The following PER2 variants were observed in gnomAD, a reference collection of about 807,000 sequenced individuals.
The protein encoded by PER2 is period circadian protein homolog 2.
In PER2, 66 loss-of-function variants were observed where a neutral mutation model predicts 121.0. That is an observed-to-expected ratio of 0.55 (90% CI 0.45 to 0.67). The LOEUF (loss-of-function observed/expected upper bound fraction) is 0.67. Ranked by LOEUF, PER2 falls within the 30% of genes least tolerant of loss-of-function variation. The probability of loss-of-function intolerance (pLI) is 0.00; values close to 1 mark genes in which losing one functional copy is unlikely to be tolerated. For synonymous variants in PER2, 684 were observed against 659.9 expected (o/e 1.04, Z -0.56); for missense variants, 1,521 against 1,635.0 (o/e 0.93, Z 1.20).
intron 1 of PER2, among the ~76,000 whole-genome samples, chr2:238,284,073 T>C (rs914859108): frequency 2.0e-5 from 3 of 152,122 alleles, no homozygotes; most frequent in African/African-American, 7.2e-5. Flanking sequence ...CTACTGGTTG[T>C]TAGAAGGATT....
intron 8 of PER2, among the ~76,000 whole-genome samples, chr2:238,266,123 T>A (rs1012962589): frequency 6.6e-6 from 1 of 152,168 alleles, no homozygotes; most frequent in Admixed American, 6.5e-5. Flanking sequence ...CAGGATGGTC[T>A]CGATCTCCTG....
At chr2:238,246,742 G>A (rs932038889) in intron 22 of PER2, among the ~76,000 whole-genome samples, 27 of 152,180 alleles carry the variant, frequency 1.8e-4, no homozygotes, top group Non-Finnish European at 4.4e-5. Flanking sequence ...TGGGCGTGGT[G>A]GCAGGCACCT....
chr2:238,268,033 C>T lies in PER2; in HGVS notation c.967+23G>A. On this transcript the variant is annotated intron_variant, in intron 8 of 22. Coordinates refer to ENST00000254657, the MANE Select transcript of PER2 (RefSeq NM_022817.3). The surrounding 1 kb of genome is among the most constrained non-coding windows in gnomAD (Gnocchi z 4.0). Reference sequence around the variant, plus strand: ...GGGGGAGCCAGAGACAACATCTGCCCTCGCCCTGGGCTTGGCTGTTACCTT... The same window carrying T: ...GGGGGAGCCAGAGACAACATCTGCCTTCGCCCTGGGCTTGGCTGTTACCTT... 2 of 1,613,044 alleles carry T rather than the reference C, an allele frequency of 1.2e-6. No individual in the cohort carries two copies. The highest frequency in any genetic ancestry group is 2.2e-5 in the South Asian group (2 of 91,042).
At position 238,273,498 on chromosome 2, in the gene PER2, CTTT is replaced by C. The variant is rs35748668; in HGVS notation, c.449-310_449-308del. Reference sequence around the variant, plus strand: ...TGCCTCTCATGTTCTCCAGAAGGGGCTTTTTTTTTTTTTTGAGATGGAGTTTTG... The same window carrying C: ...TGCCTCTCATGTTCTCCAGAAGGGGCTTTTTTTTTTTGAGATGGAGTTTTG... On this transcript the variant is annotated intron_variant, in intron 4 of 22. Coordinates refer to ENST00000254657, the MANE Select transcript of PER2 (RefSeq NM_022817.3). Among the ~76,000 whole-genome samples the C allele has an allele frequency of 4.3e-5, 6 of 139,118 alleles. No homozygotes were observed. In the East Asian group the frequency reaches 1.0e-3, roughly 24 times the overall value. The allele number at this position is 139,118 out of a possible 152,430, so 91.3% of individuals were successfully genotyped here. A position where few individuals can be genotyped will look rare whatever the true frequency, so the allele number is the denominator to read the frequency against.
intron 1 of PER2, among the ~76,000 whole-genome samples, chr2:238,287,499 G>A (rs1696823442): frequency 6.6e-6 from 1 of 152,220 alleles, no homozygotes; most frequent in African/African-American, 2.4e-5. Flanking sequence ...TGGGGCTTTA[G>A]CCACCGTGTG....
At chr2:238,251,389 A>T (rs1402749697) in intron 20 of PER2, among the ~76,000 whole-genome samples, 1 of 152,218 alleles carries the variant, frequency 6.6e-6, no homozygotes, top group Non-Finnish European at 1.5e-5. Flanking sequence ...AATCAGAAGC[A>T]AACAGGGAGG....
intron 21 of PER2, among the ~76,000 whole-genome samples, chr2:238,249,565 G>A (rs1695544515): frequency 6.6e-6 from 1 of 152,202 alleles, no homozygotes; most frequent in Admixed American, 6.5e-5. Flanking sequence ...GTGCTGGGCT[G>A]GACTACAGCT....
the PER2 span, among the ~76,000 whole-genome samples, chr2:238,298,108 C>T: frequency 1.3e-5 from 2 of 149,854 alleles, no homozygotes; most frequent in African/African-American, 4.9e-5. Context: ...GATCTCGGCT[C>T]ACTGCAAGCT....
chr2:238,276,770 G>A (rs1322702399), intron 3 of PER2, among the ~76,000 whole-genome samples: 2 of 152,230 alleles, frequency 1.3e-5, no homozygotes. Context: ...CCCTGGACAA[G>A]GAGCCGGGTT....
At chr2:238,293,839 G>A (rs1697001716), upstream of PER2, among the ~76,000 whole-genome samples, 2 of 152,196 alleles carry the variant, frequency 1.3e-5, no homozygotes, top group African/African-American at 4.8e-5. Context: ...CAGTGGGTAG[G>A]TGATGCTGTA....
upstream of PER2, among the ~76,000 whole-genome samples, chr2:238,294,603 G>A (rs530321270): frequency 3.9e-5 from 6 of 152,298 alleles, no homozygotes; most frequent in African/African-American, 9.6e-5. Flanking sequence ...TAGGACATGC[G>A]CCTGCATTCC....
chr2:238,254,604 G>A (rs985052122), intron 18 of PER2, among the ~76,000 whole-genome samples: 77 of 152,340 alleles, frequency 5.1e-4, no homozygotes, highest in African/African-American at 1.6e-3. Flanking sequence ...CTCCTGGGAT[G>A]TCATGTCTGG....
In PER2 at chr2:238,273,070, G is replaced by T; in HGVS notation, c.570C>A (p.Ala190=). The change falls in exon 5 of 23, where the codon GCC becomes GCA. Residue 190 remains alanine (A), a splice_region_variant and synonymous_variant. Coordinates refer to ENST00000254657, the MANE Select transcript of PER2 (RefSeq NM_022817.3). The part of the protein sequence containing the change: ...SVTSEHIVKN[A]DMFAVAVSLV... ...AGAAACTTTGCGGAAAGAGGCTTAC[G>T]GCATTCTTCACAATGTGCTCAGAGG... The T allele has an allele frequency of 6.2e-7, 1 of 1,614,028 alleles. No homozygotes were observed. Among genetic ancestry groups the T allele is most frequent in the Non-Finnish European group, 8.5e-7 (1 of 1,179,922 alleles).
chr2:238,263,050 G>A lies in PER2; in HGVS notation c.1055C>T (p.Pro352Leu). 2 of 1,610,174 alleles carry A rather than the reference G, an allele frequency of 1.2e-6. No individual in the cohort carries two copies. Among genetic ancestry groups the A allele is most frequent in the Non-Finnish European group, 1.7e-6 (2 of 1,176,468 alleles). The change falls in exon 10 of 23, where the codon CCT (proline) becomes CTT (leucine). Residue 352 changes from proline (P) to leucine (L), a missense_variant. By Grantham distance (98) the Pro-to-Leu change is moderately conservative (BLOSUM62 -3). Transcript: ENST00000254657. ...GTCCTGAGGTAGGTAGCCCAGGAGA[G>A]GGACCGCCCTGGAAGGCAAGCAGAC... ...LFQDVDERAV[P>L]LLGYLPQDLI...
intron 16 of PER2, 144 bp downstream of exon 16, chr2:238,258,132 G>A (rs1456999216): frequency 1.3e-5 from 12 of 895,464 alleles, no homozygotes; most frequent in Admixed American, 2.0e-5. Flanking sequence ...TCCTAAGAAG[G>A]GTGCTGACTT....
At chr2:238,258,939 CACTTGAACTCTTAA>C (rs1425027746) in intron 14 of PER2, among the ~76,000 whole-genome samples, 3 of 152,162 alleles carry the variant, frequency 2.0e-5, no homozygotes, top group African/African-American at 7.2e-5. Context: ...CAGCAGTTCT[CACTTGAACTCTTAA>C]ACTTTCAGGG....
chr2:238,273,129 G>GCA lies in PER2; in HGVS notation c.509_510dup (p.Pro171CysfsTer18), dbSNP rs1559333323. 1.2e-6 allele frequency: 2 copies of GCA among 1,612,200 alleles called. No homozygotes were observed. Among genetic ancestry groups the GCA allele is most frequent in the Non-Finnish European group, 1.7e-6 (2 of 1,178,252 alleles). ...TCCATCTCCTCCACGGTGTAGGAGG[G>GCA]CACGTCTGCTCCACAGGGGTGACCC... is the stretch of plus-strand genomic sequence containing the variant. On this transcript the variant is annotated frameshift_variant, in exon 5 of 23. Transcript: ENST00000254657. LOFTEE classifies it high-confidence loss of function.
In PER2 at chr2:238,265,678, A is replaced by T. The variant is rs542996559; in HGVS notation, c.968-88T>A. 59 of 833,030 alleles carry T rather than the reference A, an allele frequency of 7.1e-5. No homozygotes were observed. The South Asian group carries it at 7.8e-4, about 11-fold the overall frequency. 51.6% of individuals were successfully genotyped at this position (833,030 alleles called of 1,614,324 possible). A position where few individuals can be genotyped will look rare whatever the true frequency, so the allele number is the denominator to read the frequency against. On this transcript the variant is annotated intron_variant, in intron 8 of 22. Transcript: ENST00000254657. Reference sequence around the variant, plus strand: ...AAAACTACCAGAAAACACCCTGTAGATTCAGAGTAATGAGCAGCTAAAGAA... The same window carrying T: ...AAAACTACCAGAAAACACCCTGTAGTTTCAGAGTAATGAGCAGCTAAAGAA...
upstream of PER2, chr2:238,289,069 A>G (rs2106337189): frequency 6.6e-6 from 1 of 152,256 alleles, no homozygotes; most frequent in East Asian, 1.9e-4. Flanking sequence ...CTACGCCCTC[A>G]AGCCCGCCAG....
Sources: allele counts gnomAD v4.1 joint callset (sites outside exome capture counted in the v4.1 genomes callset), GRCh38; gene constraint gnomAD v4.1.1; non-coding constraint Gnocchi (gnomAD v3.1); transcripts MANE v1.5; gene names NCBI Gene and HGNC (gene_info 2026-07-23, HGNC 2026-07-21).